PTPRD: variants seen among roughly 807,000 people sequenced by gnomAD.
PTPRD encodes receptor-type tyrosine-protein phosphatase delta.
In PTPRD, 34 loss-of-function variants were observed where a neutral mutation model predicts 214.5. The observed-to-expected ratio is 0.16, with a 90% CI of 0.12 to 0.21. The LOEUF (loss-of-function observed/expected upper bound fraction) is 0.21, where lower values mean the gene tolerates loss of function less well. PTPRD is among the 10% of genes least tolerant of loss of function. The pLI is 1.00. For synonymous variants in PTPRD, 1,128 were observed against 845.7 expected (o/e 1.33, Z -5.79); for missense variants, 2,545 against 2,398.7 (o/e 1.06, Z -1.27).
chr9:8,339,141 A>C, intron 42 of PTPRD, 94 bp from the exon 43 acceptor site: 2 of 1,268,568 alleles, frequency 1.6e-6, no homozygotes, highest in Non-Finnish European at 1.0e-6. Flanking sequence ...TAATTTCCTT[A>C]TCCCATTAAT....
chr9:9,719,549 G>T (rs992639714), intron 7 of PTPRD, among the ~76,000 whole-genome samples: 3 of 111,824 alleles, frequency 2.7e-5, no homozygotes, highest in African/African-American at 1.9e-4. Flanking sequence ...AAGCAGCAGC[G>T]AGGCAAGCCA....
intron 2 of PTPRD, among the ~76,000 whole-genome samples, chr9:10,549,423 A>G (rs1288204789): frequency 1.3e-5 from 2 of 152,134 alleles, no homozygotes; most frequent in African/African-American, 4.8e-5. Flanking sequence ...ATTGTCTATC[A>G]TTTAGTCTAA....
intron 11 of PTPRD, among the ~76,000 whole-genome samples, chr9:8,892,180 C>T (rs939363564): frequency 2.6e-5 from 4 of 152,158 alleles, no homozygotes; most frequent in African/African-American, 4.8e-5. Context: ...CCTCCATCCA[C>T]GCTGCTTTTC....
chr9:10,610,638 A>G (rs1158963562), intron 2 of PTPRD, among the ~76,000 whole-genome samples: 1 of 152,168 alleles, frequency 6.6e-6, no homozygotes. Context: ...TCATTTTTAA[A>G]CCAATAATAG....
chr9:9,645,209 C>T (rs74520003), intron 7 of PTPRD, among the ~76,000 whole-genome samples: 2 of 152,124 alleles, frequency 1.3e-5, no homozygotes, highest in Admixed American at 6.5e-5. Context: ...GTTCCCAGAG[C>T]GGGTCAAGGG....
intron 5 of PTPRD, among the ~76,000 whole-genome samples, chr9:9,871,019 G>T (rs1034225189): frequency 6.6e-6 from 1 of 152,064 alleles, no homozygotes; most frequent in African/African-American, 2.4e-5. Flanking sequence ...AAAATTAAGA[G>T]ATGTATTCAT....
chr9:9,464,159 G>A (rs911028548), intron 8 of PTPRD, among the ~76,000 whole-genome samples: 1 of 152,122 alleles, frequency 6.6e-6, no homozygotes, highest in African/African-American at 2.4e-5. Context: ...AACACTCATT[G>A]TCTAGATGAT....
chr9:8,980,377 T>C (rs1348109136), intron 11 of PTPRD, among the ~76,000 whole-genome samples: 1 of 152,032 alleles, frequency 6.6e-6, no homozygotes, highest in Non-Finnish European at 1.5e-5. Context: ...AATAAGTAGA[T>C]TTTAGCTGCT....
intron 8 of PTPRD, among the ~76,000 whole-genome samples, chr9:9,497,738 G>A (rs1008592638): frequency 6.6e-6 from 1 of 152,004 alleles, no homozygotes; most frequent in African/African-American, 2.4e-5. Flanking sequence ...GTGTAGCACA[G>A]TACAAGTCAC....
At chr9:8,320,016 G>A (rs369447767) in intron 44 of PTPRD, 50 bp from the exon 45 acceptor site, 36 of 1,593,538 alleles carry the variant, frequency 2.3e-5, no homozygotes, top group Non-Finnish European at 2.8e-5. Flanking sequence ...TCACAGTCTT[G>A]GCCACATTTG....
chr9:9,430,935 A>G (rs1372665670), intron 8 of PTPRD, among the ~76,000 whole-genome samples: 1 of 152,224 alleles, frequency 6.6e-6, no homozygotes, highest in Non-Finnish European at 1.5e-5. Flanking sequence ...TTTCAGACCT[A>G]AAACCATAAA....
chr9:9,837,566 T>C (rs2057133723), intron 5 of PTPRD, among the ~76,000 whole-genome samples: 2 of 152,102 alleles, frequency 1.3e-5, no homozygotes, highest in Admixed American at 1.3e-4. Flanking sequence ...AGTCTTTGAT[T>C]TGCTTTTGAC....
In PTPRD at chr9:8,751,641, T is replaced by C. The variant is rs76910227; in HGVS notation, c.-103-17695A>G. Among the ~76,000 whole-genome samples, 745 of 152,284 alleles carry C rather than the reference T, an allele frequency of 4.9e-3. 7 individuals carry two copies. The highest frequency in any genetic ancestry group is 0.017 in the African/African-American group (718 of 41,576). ...TCAATTGCTGGCTATCTTTCCAAAT[T>C]AGCTTTTCAGTCTTAGTTATCTTTT... is the stretch of plus-strand genomic sequence containing the variant. On this transcript the variant is annotated intron_variant, in intron 11 of 45. Coordinates refer to ENST00000381196, the MANE Select transcript of PTPRD (RefSeq NM_002839.4).
intron 8 of PTPRD, among the ~76,000 whole-genome samples, chr9:9,458,282 GTTCA>G: frequency 6.6e-6 from 1 of 151,946 alleles, no homozygotes; most frequent in East Asian, 1.9e-4. Context: ...CACTTCATAT[GTTCA>G]TTATTATAAA....
At chr9:9,073,421 G>T (rs1433239126) in intron 10 of PTPRD, among the ~76,000 whole-genome samples, 3 of 152,146 alleles carry the variant, frequency 2.0e-5, no homozygotes, top group African/African-American at 7.2e-5. Context: ...CTAGATCATG[G>T]TACTCAGTTG....
chr9:10,435,734 A>G (rs2098712862), intron 2 of PTPRD, among the ~76,000 whole-genome samples: 1 of 151,916 alleles, frequency 6.6e-6, no homozygotes, highest in Non-Finnish European at 1.5e-5. Flanking sequence ...ATTATCCTGT[A>G]TAATTATTTA....
chr9:8,331,509 CTACAAAAAGTGTA>C (rs1291636003), intron 44 of PTPRD, 60 bp downstream of exon 44: 1 of 1,526,972 alleles, frequency 6.5e-7, no homozygotes, highest in East Asian at 2.4e-5. Flanking sequence ...AGCAAACTTA[CTACAAAAAGTGTA>C]TACAGACAAT....
chr9:9,271,492 GT>G (rs1336000529), intron 9 of PTPRD, among the ~76,000 whole-genome samples: 1 of 151,134 alleles, frequency 6.6e-6, no homozygotes, highest in Non-Finnish European at 1.5e-5. Context: ...ACAGCAAGTG[GT>G]AAAAAATCCA....
intron 5 of PTPRD, among the ~76,000 whole-genome samples, chr9:9,770,574 A>G (rs183667103): frequency 1.2e-3 from 185 of 152,270 alleles, no homozygotes; most frequent in Admixed American, 3.3e-3. Context: ...ATTTTCCACT[A>G]TTCTCATTCT....
Sources: gnomAD v4.1 joint callset for allele counts (sites outside exome capture counted in the v4.1 genomes callset) on GRCh38, gnomAD v4.1.1 for gene constraint, MANE v1.5 for transcripts, NCBI Gene and HGNC (gene_info 2026-07-23, HGNC 2026-07-21) for gene names.